RBFOX1: variants seen among roughly 807,000 people sequenced by gnomAD.
RBFOX1 encodes the protein RNA binding protein fox-1 homolog 1.
RBFOX1 carries 8 observed loss-of-function variants against 57.7 expected under a neutral mutation model. The observed-to-expected ratio is 0.14, with a 90% confidence interval of 0.08 to 0.25. The LOEUF is 0.25. Among genes scored for constraint, RBFOX1 ranks in the 10% least tolerant of loss-of-function variants. RBFOX1 has a pLI of 1.00. For synonymous variants in RBFOX1, 326 were observed against 222.4 expected (o/e 1.47, Z -4.15); for missense variants, 611 against 548.5 (o/e 1.11, Z -1.14).
At chr16:6,705,172 C>G (rs2062508883) in intron 3 of RBFOX1, 1 of 152,058 alleles carries the variant, frequency 6.6e-6, no homozygotes, top group African/African-American at 2.4e-5. Flanking sequence ...CAGACCCAGC[C>G]CAGCCATTGC....
At chr16:6,063,031 C>T (rs149118045) in intron 1 of RBFOX1, among the ~76,000 whole-genome samples, 252 of 152,294 alleles carry the variant, frequency 1.7e-3, no homozygotes, top group African/African-American at 5.9e-3. Flanking sequence ...GGTAATCTCC[C>T]TGACATACAG....
chr16:5,599,014 C>A, exon 3 of RBFOX1: 1 of 1,396,446 alleles, frequency 7.2e-7, no homozygotes, highest in Non-Finnish European at 9.8e-7. Flanking sequence ...ACTTTTGCAT[C>A]CTTTTCAGCC....
intron 4 of RBFOX1, among the ~76,000 whole-genome samples, chr16:7,415,716 C>T (rs952828873): frequency 6.6e-6 from 1 of 152,188 alleles, no homozygotes; most frequent in Non-Finnish European, 1.5e-5. Flanking sequence ...AAGAAAAGGG[C>T]TACCATTTCT....
intron 3 of RBFOX1, among the ~76,000 whole-genome samples, chr16:6,813,778 C>T (rs77503162): frequency 3.9e-5 from 6 of 152,192 alleles, no homozygotes; most frequent in African/African-American, 1.4e-4. Context: ...CAGCAGGCAC[C>T]TGCAGAGATG....
chr16:6,622,445 A>G (rs1045352766), intron 2 of RBFOX1, among the ~76,000 whole-genome samples: 2 of 152,192 alleles, frequency 1.3e-5, no homozygotes, highest in Non-Finnish European at 2.9e-5. Flanking sequence ...ACAGGCTTGT[A>G]GTCTAGGAGC....
intron 4 of RBFOX1, among the ~76,000 whole-genome samples, chr16:7,218,169 G>A (rs137917621): frequency 7.3e-4 from 111 of 152,220 alleles, no homozygotes; most frequent in Middle Eastern, 3.4e-3. Context: ...CTAACCCTAT[G>A]ATCCTTTGCC....
chr16:6,854,154 G>A (rs568403614), intron 3 of RBFOX1, among the ~76,000 whole-genome samples: 1 of 152,306 alleles, frequency 6.6e-6, no homozygotes, highest in South Asian at 2.1e-4. Flanking sequence ...AAATATGAGT[G>A]TCTGACGTTT....
chr16:7,093,373 G>C (rs1429657695), intron 4 of RBFOX1, among the ~76,000 whole-genome samples: 1 of 152,100 alleles, frequency 6.6e-6, no homozygotes, highest in African/African-American at 2.4e-5. Context: ...CTGTTGTCTC[G>C]AATATTCCAG....
intron 10 of RBFOX1, among the ~76,000 whole-genome samples, chr16:7,621,718 C>T (rs552861325): frequency 6.6e-6 from 1 of 152,238 alleles, no homozygotes; most frequent in East Asian, 1.9e-4. Context: ...TACTTAGTGC[C>T]AGCTCCCTTG....
chr16:5,603,222 C>G (rs1053420989), downstream of RBFOX1, among the ~76,000 whole-genome samples: 2 of 152,210 alleles, frequency 1.3e-5, no homozygotes, highest in Non-Finnish European at 2.9e-5. Flanking sequence ...ATCATAACAG[C>G]TAGCATCTTT....
intron 14 of RBFOX1, among the ~76,000 whole-genome samples, chr16:7,704,294 C>T (rs1296921537): frequency 2.0e-5 from 3 of 152,194 alleles, no homozygotes; most frequent in South Asian, 4.1e-4. Context: ...AAGCAGTCCT[C>T]TTTTATATCT....
intron 3 of RBFOX1, among the ~76,000 whole-genome samples, chr16:7,017,325 A>G (rs1438367624): frequency 6.6e-6 from 1 of 152,164 alleles, no homozygotes; most frequent in East Asian, 1.9e-4. Context: ...TAGATCCAGC[A>G]CCTTTCTATC....
intron 2 of RBFOX1, among the ~76,000 whole-genome samples, chr16:5,532,160 G>C (rs1182320619): frequency 6.6e-6 from 1 of 152,146 alleles, no homozygotes; most frequent in Non-Finnish European, 1.5e-5. Flanking sequence ...AGCGGGGGTG[G>C]TTTAGAAAAT....
At chr16:6,304,165 G>A (rs994579283) in intron 1 of RBFOX1, among the ~76,000 whole-genome samples, 2 of 151,776 alleles carry the variant, frequency 1.3e-5, no homozygotes, top group African/African-American at 4.8e-5. Flanking sequence ...GCAGGTGCCT[G>A]TAGTCCCGGC....
At chr16:7,526,458 T>C (rs1349605892) in intron 5 of RBFOX1, among the ~76,000 whole-genome samples, 3 of 152,208 alleles carry the variant, frequency 2.0e-5, no homozygotes, top group Admixed American at 6.5e-5. Context: ...CTCTCTGCTC[T>C]TATTTTTTCT....
chr16:6,904,532 C>G (rs1241419303), intron 3 of RBFOX1, among the ~76,000 whole-genome samples: 1 of 132,784 alleles, frequency 7.5e-6, no homozygotes, highest in East Asian at 2.5e-4. Flanking sequence ...ACCCAGGAGG[C>G]AGATGTTGCA....
intron 2 of RBFOX1, among the ~76,000 whole-genome samples, chr16:6,610,429 G>A (rs892176524): frequency 1.3e-5 from 2 of 152,066 alleles, no homozygotes; most frequent in Non-Finnish European, 2.9e-5. Context: ...GCCGGCTCAA[G>A]TGATCCTCCC....
At chr16:7,069,535 T>G (rs904822443) in intron 4 of RBFOX1, among the ~76,000 whole-genome samples, 2 of 152,200 alleles carry the variant, frequency 1.3e-5, no homozygotes, top group Non-Finnish European at 2.9e-5. Flanking sequence ...TAGTGTGCTT[T>G]TACACTGAAC....
intron 3 of RBFOX1, among the ~76,000 whole-genome samples, chr16:6,940,660 C>A (rs1404487655): frequency 6.6e-6 from 1 of 152,066 alleles, no homozygotes; most frequent in Non-Finnish European, 1.5e-5. Flanking sequence ...TGGAGCGACG[C>A]GATCTCAGCT....
Sources: allele counts gnomAD v4.1 joint callset (sites outside exome capture counted in the v4.1 genomes callset), GRCh38; gene constraint gnomAD v4.1.1; transcripts MANE v1.5; gene names NCBI Gene and HGNC (gene_info 2026-07-23, HGNC 2026-07-21).